Variants in ARID3A observed in about 807,000 individuals in gnomAD.
ARID3A encodes the protein AT-rich interaction domain 3A.
In ARID3A, 11 loss-of-function variants were observed where a neutral mutation model predicts 52.7. That is an observed-to-expected ratio of 0.21 (90% CI 0.13 to 0.35). The LOEUF (loss-of-function observed/expected upper bound fraction) is 0.35, where lower values mean the gene tolerates loss of function less well. Among genes scored for constraint, ARID3A ranks in the 10% least tolerant of loss-of-function variants. The pLI is 1.00. For missense variants in ARID3A, 721 were observed against 838.5 expected (o/e 0.86, Z 1.73); for synonymous variants, 404 against 359.4 (o/e 1.12, Z -1.40).
chr19:973,463 G>T lies in ARID3A; in HGVS notation c.*1398G>T, dbSNP rs935697671. 1 of 211,816 alleles carries T rather than the reference G, an allele frequency of 4.7e-6. No homozygotes were observed. The highest frequency in any genetic ancestry group is 2.3e-5 in the African/African-American group (1 of 44,202). The allele number at this position is 211,816 out of a possible 1,614,324, so 13.1% of individuals were successfully genotyped here. On this transcript the variant is annotated 3_prime_UTR_variant, in exon 9 of 9. Transcript: ENST00000263620. ...TAGCAAGTGCTGGAAAAAGGGCCTGGGGGGCGGGGGTGGTTCTTGTCGAAG... is the reference window on the plus strand; with the variant it reads ...TAGCAAGTGCTGGAAAAAGGGCCTGTGGGGCGGGGGTGGTTCTTGTCGAAG...
chr19:943,822 G>C (rs138097639), intron 3 of ARID3A, among the ~76,000 whole-genome samples: 20 of 152,236 alleles, frequency 1.3e-4, no homozygotes, highest in Admixed American at 1.3e-3. Context: ...ACACCAGGCT[G>C]TGCCTCCCTG....
Position 964,375 on chromosome 19 carries a change from C to T in ARID3A, c.894C>T (p.Thr298=). 6.2e-7 allele frequency: 1 copy of T among 1,613,294 alleles called. No homozygotes were observed. The highest frequency in any genetic ancestry group is 8.5e-7 in the Non-Finnish European group (1 of 1,179,638). The stretch of plus-strand genomic sequence containing the variant: ...ACAAGAAGCTGTGGCGTGAGATCAC[C>T]AAGGGCCTCAACCTGCCCACGTCCA... ...VINKKLWREI[T]KGLNLPTSIT... The change falls in exon 5 of 9, where the codon ACC becomes ACT. Residue 298 remains threonine, a synonymous_variant. Transcript: ENST00000263620. The surrounding 1 kb of genome is among the most constrained non-coding windows in gnomAD (Gnocchi z 5.7).
In ARID3A at chr19:947,222, A is replaced by G. The variant is rs1424810570; in HGVS notation, c.694-12870A>G. Among the ~76,000 whole-genome samples, 2 of 152,172 alleles carry G rather than the reference A, an allele frequency of 1.3e-5. No individual in the cohort carries two copies. Among genetic ancestry groups the G allele is most frequent in the Non-Finnish European group, 2.9e-5 (2 of 68,016 alleles). On this transcript the variant is annotated intron_variant, in intron 3 of 8. Transcript: ENST00000263620. This position sits in a 1 kb window ranked among gnomAD's most constrained non-coding sequence, Gnocchi z 6.3. ...AGCCCAGATCTGTGTCTGTGTCTGC[A>G]TCTGTGAAACGGGTTTCCTGGCAGA...
intron 3 of ARID3A, among the ~76,000 whole-genome samples, chr19:939,790 A>G (rs1397000986): frequency 2.0e-5 from 3 of 152,086 alleles, no homozygotes; most frequent in Non-Finnish European, 4.4e-5. Context: ...TGTTGTAAGC[A>G]ATACTGTAAC....
rs968016225 is a variant in ARID3A, at chr19:960,598, G to A, written c.766+434G>A. 1.4e-4 allele frequency among the ~76,000 whole-genome samples: 21 copies of A among 152,070 alleles called. No homozygotes were observed. The highest frequency in any genetic ancestry group is 2.7e-4 in the African/African-American group (11 of 41,378). On this transcript the variant is annotated intron_variant, in intron 4 of 8. Coordinates refer to ENST00000263620, the MANE Select transcript of ARID3A (RefSeq NM_005224.3). This position sits in a 1 kb window ranked among gnomAD's most constrained non-coding sequence, Gnocchi z 4.3. ...GGACAGAAGCCCCCCGCCCGGCCGCGAGATGGCTTAGAGTCTAATGATCTC... is the reference window on the plus strand; with the variant it reads ...GGACAGAAGCCCCCCGCCCGGCCGCAAGATGGCTTAGAGTCTAATGATCTC...
Position 960,560 on chromosome 19 carries a change from TGCAGGTGCG to T in ARID3A, c.766+402_766+410del. 6.6e-6 allele frequency among the ~76,000 whole-genome samples: 1 copy of T among 151,846 alleles called. No individual in the cohort carries two copies. ...GTCAGATTCGGGCTGGCCAGGTGGG[TGCAGGTGCG>T]GCAGGACAGAAGCCCCCCGCCCGGC... is the stretch of plus-strand genomic sequence containing the variant. On this transcript the variant is annotated intron_variant, in intron 4 of 8. Coordinates refer to ENST00000263620, the MANE Select transcript of ARID3A (RefSeq NM_005224.3). This position sits in a 1 kb window ranked among gnomAD's most constrained non-coding sequence, Gnocchi z 4.3.
At chr19:965,456 C>T (rs1279315250) in intron 6 of ARID3A, among the ~76,000 whole-genome samples, 2 of 151,530 alleles carry the variant, frequency 1.3e-5, no homozygotes, top group Non-Finnish European at 2.9e-5. Context: ...ACAGCACACA[C>T]AGCAGTGTCA....
chr19:930,157 G>A (rs572258874), intron 2 of ARID3A, among the ~76,000 whole-genome samples: 1 of 152,276 alleles, frequency 6.6e-6, no homozygotes, highest in African/African-American at 2.4e-5. Context: ...AGCTACTGGG[G>A]AGGCTGAGGC....
At chr19:957,383 TCG>T (rs1469046228) in intron 3 of ARID3A, among the ~76,000 whole-genome samples, 1 of 152,212 alleles carries the variant, frequency 6.6e-6, no homozygotes, top group East Asian at 1.9e-4. Context: ...GGTCCCGCAC[TCG>T]CCGCTGTGTC....
chr19:937,951 G>A (rs182478849), intron 3 of ARID3A, among the ~76,000 whole-genome samples: 12 of 151,656 alleles, frequency 7.9e-5, no homozygotes, highest in East Asian at 1.9e-4. Context: ...CTCGTGATCC[G>A]CCCGCCTCGG....
At chr19:963,695 C>A (rs6510985) in intron 4 of ARID3A, among the ~76,000 whole-genome samples, 103,318 of 151,970 alleles carry the variant, frequency 0.68, 35,924 homozygotes, top group Middle Eastern at 0.79. Context: ...CATAGCGTAG[C>A]CCACAACCCT....
chr19:943,258 G>A (rs1403160559), intron 3 of ARID3A, among the ~76,000 whole-genome samples: 1 of 146,104 alleles, frequency 6.8e-6, no homozygotes, highest in African/African-American at 2.5e-5. Context: ...AGGACCCTGT[G>A]TCAAAAAAAG....
chr19:927,161 C>T (rs1264659159), intron 1 of ARID3A, among the ~76,000 whole-genome samples: 1 of 152,138 alleles, frequency 6.6e-6, no homozygotes, highest in Non-Finnish European at 1.5e-5. Flanking sequence ...GAGCGGGTGA[C>T]CTCTCTCCGG....
At chr19:945,365 G>A (rs1165657727) in intron 3 of ARID3A, among the ~76,000 whole-genome samples, 1 of 152,190 alleles carries the variant, frequency 6.6e-6, no homozygotes, top group Non-Finnish European at 1.5e-5. Context: ...CTGTAGAGAG[G>A]GGACGGCGTG....
chr19:966,514 G>C, intron 6 of ARID3A, 58 bp from the exon 7 acceptor site: 1 of 1,307,740 alleles, frequency 7.6e-7, no homozygotes, highest in South Asian at 1.5e-5. Context: ...TTCCTGCCTT[G>C]AGTGGAAGGC....
rs34643064 is a variant in ARID3A at position 941,779 on chromosome 19, CTGTGTGTG to C, written c.693+9059_693+9066del. Among the ~76,000 whole-genome samples the C allele has an allele frequency of 4.1e-5, 6 of 146,168 alleles. No individual in the cohort carries two copies. Among genetic ancestry groups the C allele is most frequent in the African/African-American group, 1.0e-4 (4 of 39,528 alleles). On this transcript the variant is annotated intron_variant, in intron 3 of 8. Coordinates refer to ENST00000263620, the MANE Select transcript of ARID3A (RefSeq NM_005224.3). The surrounding 1 kb of genome is among the most constrained non-coding windows in gnomAD (Gnocchi z 6.9). ...TCTCTTGTGTTTTGTGTGGATGTGGCTGTGTGTGTGTGTGTGTGTGTGTGTGTGTCAGG... is the reference window on the plus strand; with the variant it reads ...TCTCTTGTGTTTTGTGTGGATGTGGCTGTGTGTGTGTGTGTGTGTGTCAGG...
rs572578170 is a variant in ARID3A at position 931,194 on chromosome 19, C to T, written c.369-1224C>T. 3.9e-5 allele frequency among the ~76,000 whole-genome samples: 6 copies of T among 152,036 alleles called. No individual in the cohort carries two copies. The East Asian group carries it at 7.8e-4, about 20-fold the overall frequency. ...CTGTGGTCCCAGCTACTCGAGAGGC[C>T]GAGGCGGAAGGACTGCTTGAGCTCA... On this transcript the variant is annotated intron_variant, in intron 2 of 8. Coordinates refer to ENST00000263620, the MANE Select transcript of ARID3A (RefSeq NM_005224.3).
In ARID3A at chr19:926,790, G is replaced by A. The variant is rs567517895; in HGVS notation, c.-268+731G>A. On this transcript the variant is annotated intron_variant, in intron 1 of 8. Coordinates refer to ENST00000263620, the MANE Select transcript of ARID3A (RefSeq NM_005224.3). ...CACAAAAGCGGGCGCAGGAAGCGCTGGGAGCGCGCGTTTGTCAACTCCAAC... is the reference window on the plus strand; with the variant it reads ...CACAAAAGCGGGCGCAGGAAGCGCTAGGAGCGCGCGTTTGTCAACTCCAAC... Among the ~76,000 whole-genome samples the A allele has an allele frequency of 8.8e-4, 133 of 151,868 alleles. 1 individual carries two copies. Among genetic ancestry groups the A allele is most frequent in the African/African-American group, 3.2e-3 (131 of 41,462 alleles).
chr19:942,965 C>T lies in ARID3A; in HGVS notation c.693+10223C>T, dbSNP rs2145391488. The stretch of plus-strand genomic sequence containing the variant: ...GAGGTCCTGCAGCGTACGGTGGCCC[C>T]AAATCCCATGCCGGTCGGTTGTCCT... On this transcript the variant is annotated intron_variant, in intron 3 of 8. Coordinates refer to ENST00000263620, the MANE Select transcript of ARID3A (RefSeq NM_005224.3). This position sits in a 1 kb window ranked among gnomAD's most constrained non-coding sequence, Gnocchi z 8.1. 6.6e-6 allele frequency among the ~76,000 whole-genome samples: 1 copy of T among 152,274 alleles called. No homozygotes were observed. Among genetic ancestry groups the T allele is most frequent in the Non-Finnish European group, 1.5e-5 (1 of 68,020 alleles).
Sources: gnomAD v4.1 joint callset for allele counts (sites outside exome capture counted in the v4.1 genomes callset) on GRCh38, gnomAD v4.1.1 for gene constraint, Gnocchi (gnomAD v3.1) non-coding constraint, MANE v1.5 for transcripts, NCBI Gene and HGNC (gene_info 2026-07-23, HGNC 2026-07-21) for gene names.